CFAP299: variants seen among roughly 807,000 people sequenced by gnomAD.
The protein encoded by CFAP299 is cilia- and flagella-associated protein 299.
A neutral mutation model predicts 27.0 loss-of-function variants in CFAP299; 21 were observed. The ratio of observed to expected loss-of-function variants is 0.78; its 90% CI spans 0.55 to 1.12. The LOEUF (loss-of-function observed/expected upper bound fraction) is 1.12, where lower values mean the gene tolerates loss of function less well. Among genes scored for constraint, CFAP299 ranks in the 50% most tolerant of loss-of-function variants. CFAP299 has a pLI of 0.00. For synonymous variants in CFAP299, 104 were observed against 98.1 expected (o/e 1.06, Z -0.36); for missense variants, 310 against 276.6 (o/e 1.12, Z -0.86).
At chr4:80,829,891 A>G (rs989975667) in intron 3 of CFAP299, among the ~76,000 whole-genome samples, 1 of 152,070 alleles carries the variant, frequency 6.6e-6, no homozygotes, top group Non-Finnish European at 1.5e-5. Flanking sequence ...ACTCAGACAG[A>G]AAGTAGAGTG....
At chr4:80,565,548 A>G (rs1371505580) in intron 2 of CFAP299, among the ~76,000 whole-genome samples, 4 of 152,112 alleles carry the variant, frequency 2.6e-5, no homozygotes, top group Non-Finnish European at 5.9e-5. Flanking sequence ...TGTAGATTTC[A>G]TTGTAGAATT....
At chr4:80,458,618 G>A (rs1729285831) in intron 2 of CFAP299, among the ~76,000 whole-genome samples, 1 of 152,058 alleles carries the variant, frequency 6.6e-6, no homozygotes. Context: ...TTTTATTAGT[G>A]ATTCAAGCCA....
At chr4:80,501,920 C>T (rs1731770902) in intron 2 of CFAP299, among the ~76,000 whole-genome samples, 1 of 151,926 alleles carries the variant, frequency 6.6e-6, no homozygotes, top group African/African-American at 2.4e-5. Flanking sequence ...CTCAATTCTA[C>T]CCAACTGCCC....
chr4:80,921,566 A>C (rs1736047454), intron 4 of CFAP299, among the ~76,000 whole-genome samples: 1 of 152,090 alleles, frequency 6.6e-6, no homozygotes. Context: ...TTTAGCATAG[A>C]TCTGAGTAGG....
chr4:80,775,681 T>C (rs1291624202), intron 3 of CFAP299, among the ~76,000 whole-genome samples: 1 of 152,022 alleles, frequency 6.6e-6, no homozygotes, highest in Non-Finnish European at 1.5e-5. Context: ...CCAAATATGT[T>C]TGTAAAAAGG....
intron 2 of CFAP299, among the ~76,000 whole-genome samples, chr4:80,486,687 C>A (rs774387557): frequency 6.6e-5 from 10 of 152,250 alleles, no homozygotes; most frequent in Non-Finnish European, 1.2e-4. Context: ...TCAGTACACC[C>A]TACCTGAAGG....
In CFAP299 at chr4:80,792,769, G is replaced by A. The variant is rs182776297; in HGVS notation, c.334-77224G>A. Among the ~76,000 whole-genome samples, 193 of 152,234 alleles carry A rather than the reference G, an allele frequency of 1.3e-3. 1 individual carries two copies. Among genetic ancestry groups the A allele is most frequent in the African/African-American group, 4.3e-3 (178 of 41,552 alleles). On this transcript the variant is annotated intron_variant, in intron 3 of 5. Coordinates refer to ENST00000358105, the MANE Select transcript of CFAP299 (RefSeq NM_152770.3). The stretch of plus-strand genomic sequence containing the variant: ...TGTGTAGGCAAATTTAAATTTTGCA[G>A]AATCAACACATATTCACATAAAGCT...
intron 4 of CFAP299, among the ~76,000 whole-genome samples, chr4:80,898,574 G>A (rs1734728372): frequency 1.3e-5 from 2 of 151,880 alleles, no homozygotes; most frequent in Non-Finnish European, 2.9e-5. Context: ...AGGCTTTTCG[G>A]CTTGAGGGTG....
intron 1 of CFAP299, among the ~76,000 whole-genome samples, chr4:80,339,655 C>G (rs1722343086): frequency 6.6e-6 from 1 of 152,170 alleles, no homozygotes; most frequent in South Asian, 2.1e-4. Context: ...TTTTCCTCTG[C>G]TAACCCAAAG....
At chr4:80,514,511 G>C (rs1346192884) in intron 2 of CFAP299, among the ~76,000 whole-genome samples, 1 of 151,958 alleles carries the variant, frequency 6.6e-6, no homozygotes, top group Non-Finnish European at 1.5e-5. Flanking sequence ...ATAAAAATGA[G>C]TTAATTCAGG....
rs1416684858 is a variant in CFAP299 at position 80,608,288 on chromosome 4, T to A, written c.333+25105T>A. 3.1e-6 allele frequency: 4 copies of A among 1,292,238 alleles called. No homozygotes were observed. In the Admixed American group the frequency reaches 8.0e-5, roughly 26 times the overall value. 80.0% of individuals were successfully genotyped at this position (1,292,238 alleles called of 1,614,324 possible). On this transcript the variant is annotated intron_variant, in intron 3 of 5. Transcript: ENST00000358105. ...ACTTTAGATAGGAGATTTGTTAACA[T>A]GTGGAATACACCTCAGTTGGATTTC...
intron 3 of CFAP299, among the ~76,000 whole-genome samples, chr4:80,843,492 A>C (rs1014088836): frequency 6.6e-6 from 1 of 152,012 alleles, no homozygotes; most frequent in African/African-American, 2.4e-5. Context: ...TTGGACATTT[A>C]GGTTGGTTCC....
intron 3 of CFAP299, among the ~76,000 whole-genome samples, chr4:80,591,125 T>A (rs373437541): frequency 0.18 from 24,328 of 134,960 alleles, 2,951 homozygotes; most frequent in African/African-American, 0.34. Flanking sequence ...TTTTTTTTTT[T>A]TTTTTTATTT....
intron 3 of CFAP299, among the ~76,000 whole-genome samples, chr4:80,821,035 G>GAGTAGTTATCAGGAAAAGTGTC (rs1230510917): frequency 1.3e-5 from 2 of 152,144 alleles, no homozygotes; most frequent in African/African-American, 4.8e-5. Context: ...AATATTATTA[G>GAGTAGTTATCAGGAAAAGTGTC]AGTAGTTATC....
At chr4:80,441,367 C>T (rs1040842137) in intron 2 of CFAP299, among the ~76,000 whole-genome samples, 10 of 152,308 alleles carry the variant, frequency 6.6e-5, no homozygotes, top group Admixed American at 1.3e-4. Flanking sequence ...TCTGCAGAAA[C>T]CCTGCAAGCC....
chr4:80,574,959 AGT>A (rs371304727), intron 2 of CFAP299, among the ~76,000 whole-genome samples: 18,517 of 152,068 alleles, frequency 0.12, 1,346 homozygotes, highest in South Asian at 0.23. Context: ...TTGGTATCAA[AGT>A]AATACTGGCC....
chr4:80,421,481 TATTATTTAGA>T (rs1276007149), intron 2 of CFAP299, among the ~76,000 whole-genome samples: 4 of 152,212 alleles, frequency 2.6e-5, no homozygotes, highest in Non-Finnish European at 5.9e-5. Context: ...GGTACAAAAG[TATTATTTAGA>T]ATTATTTAGA....
rs566316462 is a variant in CFAP299 at position 80,746,992 on chromosome 4, A to T, written c.334-123001A>T. 1.6e-4 allele frequency among the ~76,000 whole-genome samples: 24 copies of T among 152,118 alleles called. No homozygotes were observed. The South Asian group carries it at 5.0e-3, about 32-fold the overall frequency. ...GCCTTTGTATCCATAACTTAAAGTA[A>T]CCAGAATAGGTTCAATGGAAATTGG... On this transcript the variant is annotated intron_variant, in intron 3 of 5. Coordinates refer to ENST00000358105, the MANE Select transcript of CFAP299 (RefSeq NM_152770.3).
chr4:80,734,095 G>A (rs1182876486), intron 3 of CFAP299, among the ~76,000 whole-genome samples: 1 of 152,086 alleles, frequency 6.6e-6, no homozygotes, highest in Non-Finnish European at 1.5e-5. Flanking sequence ...CAGTGGATGA[G>A]GGTTTCCTTT....
Sources: allele counts gnomAD v4.1 joint callset (sites outside exome capture counted in the v4.1 genomes callset), GRCh38; gene constraint gnomAD v4.1.1; transcripts MANE v1.5; gene names NCBI Gene and HGNC (gene_info 2026-07-23, HGNC 2026-07-21).